Variants in CCSER1 observed in about 807,000 individuals in gnomAD.
CCSER1 encodes coiled-coil serine rich protein 1.
In CCSER1, 41 loss-of-function variants were observed where a neutral mutation model predicts 82.0. The observed-to-expected ratio is 0.50, with a 90% confidence interval of 0.39 to 0.65. CCSER1 has a LOEUF of 0.65. Among genes scored for constraint, CCSER1 ranks in the 30% least tolerant of loss-of-function variants. CCSER1 has a pLI of 0.00. For synonymous variants in CCSER1, 414 were observed against 383.9 expected (o/e 1.08, Z -0.92); for missense variants, 1,119 against 1,064.2 (o/e 1.05, Z -0.72).
At chr4:91,187,355 T>C (rs527907820) in intron 10 of CCSER1, among the ~76,000 whole-genome samples, 10 of 152,200 alleles carry the variant, frequency 6.6e-5, no homozygotes, top group African/African-American at 2.4e-4. Flanking sequence ...GTATTAATCA[T>C]AGGATTTTAA....
chr4:91,536,190 T>G (rs1761284681), intron 10 of CCSER1, among the ~76,000 whole-genome samples: 2 of 152,132 alleles, frequency 1.3e-5, no homozygotes, highest in Non-Finnish European at 2.9e-5. Flanking sequence ...CCATGAGAAA[T>G]GTATACCTAC....
At chr4:90,754,987 TTG>T (rs1484357851) in intron 7 of CCSER1, among the ~76,000 whole-genome samples, 1 of 152,036 alleles carries the variant, frequency 6.6e-6, no homozygotes, top group Non-Finnish European at 1.5e-5. Context: ...AATACAGCTA[TTG>T]GAGTTCCTGC....
intron 10 of CCSER1, among the ~76,000 whole-genome samples, chr4:91,460,654 T>A (rs1420820218): frequency 2.6e-5 from 4 of 152,200 alleles, no homozygotes; most frequent in Non-Finnish European, 5.9e-5. Flanking sequence ...AGTTAATCAT[T>A]AATATTTACA....
chr4:91,024,287 A>G (rs1321660664), intron 9 of CCSER1, among the ~76,000 whole-genome samples: 2 of 152,218 alleles, frequency 1.3e-5, no homozygotes, highest in African/African-American at 4.8e-5. Flanking sequence ...AAACTTTTAC[A>G]AAAATTTAAT....
intron 3 of CCSER1, among the ~76,000 whole-genome samples, chr4:90,335,568 C>T (rs942187880): frequency 6.6e-6 from 1 of 152,042 alleles, no homozygotes. Flanking sequence ...TAACATTTTC[C>T]CTTTTCTTTT....
At chr4:90,383,661 T>C (rs1472921053) in intron 3 of CCSER1, among the ~76,000 whole-genome samples, 1 of 151,972 alleles carries the variant, frequency 6.6e-6, no homozygotes, top group Non-Finnish European at 1.5e-5. Context: ...AAAACACATA[T>C]ATTTAAGTCT....
At chr4:91,303,030 A>G (rs1428907836) in intron 10 of CCSER1, among the ~76,000 whole-genome samples, 3 of 152,042 alleles carry the variant, frequency 2.0e-5, no homozygotes, top group East Asian at 1.9e-4. Context: ...TCACTCAGTA[A>G]TGACCACTTG....
At chr4:91,251,852 G>A (rs561306272) in intron 10 of CCSER1, among the ~76,000 whole-genome samples, 41 of 152,198 alleles carry the variant, frequency 2.7e-4, no homozygotes, top group South Asian at 1.7e-3. Context: ...TATAGTTGGC[G>A]TTGTCACTCA....
chr4:90,252,077 G>C (rs116350289), intron 1 of CCSER1, among the ~76,000 whole-genome samples: 1 of 151,798 alleles, frequency 6.6e-6, no homozygotes, highest in Non-Finnish European at 1.5e-5. Flanking sequence ...TTTAAATACA[G>C]GTTGAGTATC....
chr4:90,665,890 C>A (rs1001468195), intron 6 of CCSER1, among the ~76,000 whole-genome samples: 1 of 152,056 alleles, frequency 6.6e-6, no homozygotes, highest in Non-Finnish European at 1.5e-5. Flanking sequence ...TTATGTGGAC[C>A]TTCTGACAGT....
chr4:91,024,000 A>C (rs1740256437), intron 9 of CCSER1, among the ~76,000 whole-genome samples: 1 of 152,166 alleles, frequency 6.6e-6, no homozygotes, highest in African/African-American at 2.4e-5. Flanking sequence ...AAGGGGGTGC[A>C]TCTGGTGAGA....
rs370414012 is a variant in CCSER1, at chr4:90,749,254, G to A, written c.2010+25263G>A. Among the ~76,000 whole-genome samples the A allele has an allele frequency of 4.8e-3, 735 of 151,610 alleles. 5 individuals are homozygous for A. Among genetic ancestry groups the A allele is most frequent in the African/African-American group, 0.017 (704 of 41,292 alleles). ...GGGATCCAGTTTCAGCTTTCTACAT[G>A]TGGCTAGCCAGTTTTCCCAGCACCA... is the stretch of plus-strand genomic sequence containing the variant. On this transcript the variant is annotated intron_variant, in intron 7 of 10. Coordinates refer to ENST00000509176, the MANE Select transcript of CCSER1 (RefSeq NM_001145065.2).
intron 7 of CCSER1, among the ~76,000 whole-genome samples, chr4:90,784,959 G>A (rs1356112890): frequency 2.6e-5 from 4 of 152,146 alleles, no homozygotes; most frequent in Non-Finnish European, 1.5e-5. Flanking sequence ...GTCACATTGA[G>A]TGGGCTGAGG....
chr4:90,502,698 T>G (rs1770097998), intron 5 of CCSER1, among the ~76,000 whole-genome samples: 1 of 152,090 alleles, frequency 6.6e-6, no homozygotes, highest in South Asian at 2.1e-4. Flanking sequence ...GAAGAGAAAA[T>G]GCATAAAAGC....
At chr4:90,489,501 G>A (rs532818850) in intron 5 of CCSER1, among the ~76,000 whole-genome samples, 6 of 152,104 alleles carry the variant, frequency 3.9e-5, no homozygotes, top group Admixed American at 6.5e-5. Context: ...TAGGTAGTAC[G>A]TCACTTCTAA....
chr4:90,586,619 TA>T (rs1317275864), intron 5 of CCSER1, among the ~76,000 whole-genome samples: 1 of 152,228 alleles, frequency 6.6e-6, no homozygotes, highest in Non-Finnish European at 1.5e-5. Flanking sequence ...CTATGAACTA[TA>T]ACATTTGAGA....
intron 8 of CCSER1, among the ~76,000 whole-genome samples, chr4:90,819,086 G>A (rs1231395680): frequency 6.6e-6 from 1 of 152,134 alleles, no homozygotes. Context: ...GGTGAGGGCT[G>A]TCTTCCTGGC....
chr4:90,882,041 T>C (rs1051567038), intron 8 of CCSER1, among the ~76,000 whole-genome samples: 1 of 151,976 alleles, frequency 6.6e-6, no homozygotes, highest in Non-Finnish European at 1.5e-5. Flanking sequence ...GAATAGAAAA[T>C]TAGAAATTTC....
intron 10 of CCSER1, among the ~76,000 whole-genome samples, chr4:91,594,462 CATATATACATATATATACAT>C (rs749195962): frequency 1.4e-5 from 2 of 147,712 alleles, no homozygotes; most frequent in East Asian, 3.9e-4. Context: ...TATATACACA[CATATATACATATATATACAT>C]ATATATATAC....
Sources: allele counts gnomAD v4.1 joint callset (sites outside exome capture counted in the v4.1 genomes callset), GRCh38; gene constraint gnomAD v4.1.1; transcripts MANE v1.5; gene names NCBI Gene and HGNC (gene_info 2026-07-23, HGNC 2026-07-21).